LINGO1: variants seen among roughly 807,000 people sequenced by gnomAD.
LINGO1 encodes leucine-rich repeat and immunoglobulin-like domain-containing nogo receptor-interacting protein 1.
In LINGO1, 11 loss-of-function variants were observed where a neutral mutation model predicts 37.3. The observed-to-expected ratio is 0.29, with a 90% CI of 0.19 to 0.49. The LOEUF (loss-of-function observed/expected upper bound fraction) is 0.49, where lower values mean the gene tolerates loss of function less well. Among genes scored for constraint, LINGO1 ranks in the 20% least tolerant of loss-of-function variants. The probability of loss-of-function intolerance (pLI) is 0.99; values close to 1 mark genes in which losing one functional copy is unlikely to be tolerated. For synonymous variants in LINGO1, 387 were observed against 403.0 expected (o/e 0.96, Z 0.48); for missense variants, 585 against 878.2 (o/e 0.67, Z 4.22).
chr15:77,772,232 TCTC>T (rs1444947239), intron 1 of LINGO1, among the ~76,000 whole-genome samples: 2 of 152,132 alleles, frequency 1.3e-5, no homozygotes, highest in Non-Finnish European at 2.9e-5. Context: ...GGGTGGATGG[TCTC>T]CCACCAGGGT....
upstream of LINGO1, chr15:77,634,158 G>A (rs2074347096): frequency 1.4e-5 from 6 of 433,062 alleles, no homozygotes; most frequent in Admixed American, 7.2e-5. Context: ...CTCCCAGGAA[G>A]CCTGCGCAAC....
Position 77,776,512 on chromosome 15 carries a change from G to GGCAGGAAGGCAGGAAA in LINGO1, c.-257+10356_-257+10357insTTTCCTGCCTTCCTGC, listed in dbSNP as rs1567577680. ...AAGCAGGAAGGCAGGAAGGCAGGAA[G>GGCAGGAAGGCAGGAAA]GCAGGAAGGGAGGAAGGGAGGGAGG... On this transcript the variant is annotated intron_variant, in intron 1 of 3. Transcript: ENST00000561686. 4.6e-3 allele frequency among the ~76,000 whole-genome samples: 378 copies of GGCAGGAAGGCAGGAAA among 82,302 alleles called. 9 individuals carry two copies. Among genetic ancestry groups the GGCAGGAAGGCAGGAAA allele is most frequent in the African/African-American group, 0.019 (353 of 18,136 alleles). 54.0% of individuals were successfully genotyped at this position (82,302 alleles called of 152,430 possible).
chr15:77,776,355 C>T (rs2076638572), intron 1 of LINGO1, among the ~76,000 whole-genome samples: 1 of 150,926 alleles, frequency 6.6e-6, no homozygotes, highest in African/African-American at 2.4e-5. Context: ...GCACCCCCTC[C>T]ACCATGGATT....
At chr15:77,708,774 G>A (rs1017306581) in intron 2 of LINGO1, among the ~76,000 whole-genome samples, 1 of 152,260 alleles carries the variant, frequency 6.6e-6, no homozygotes, top group East Asian at 1.9e-4. Context: ...ATGTGGTGGT[G>A]GGCACCTGTA....
chr15:77,730,399 G>C (rs1420519314), intron 2 of LINGO1, among the ~76,000 whole-genome samples: 1 of 152,194 alleles, frequency 6.6e-6, no homozygotes. Context: ...GTAAGTACTG[G>C]AGCTGGGACT....
At chr15:77,779,716 A>G (rs4886911) in intron 1 of LINGO1, among the ~76,000 whole-genome samples, 145,425 of 152,280 alleles carry the variant, frequency 0.95, 69,486 homozygotes, top group Admixed American at 0.97. Flanking sequence ...CTCGCTCACT[A>G]CTGCTCATCT....
chr15:77,781,653 C>T (rs931035373), intron 1 of LINGO1, among the ~76,000 whole-genome samples: 2 of 152,158 alleles, frequency 1.3e-5, no homozygotes, highest in African/African-American at 4.8e-5. Flanking sequence ...CCGTACACCA[C>T]CAGGCGTGTT....
At chr15:77,657,464 C>T (rs1207373563) in intron 3 of LINGO1, among the ~76,000 whole-genome samples, 1 of 152,224 alleles carries the variant, frequency 6.6e-6, no homozygotes, top group Admixed American at 6.5e-5. Flanking sequence ...CCCAAACTCC[C>T]CATCTTGATC....
chr15:77,763,635 C>G (rs1274332167), intron 1 of LINGO1, among the ~76,000 whole-genome samples: 1 of 152,120 alleles, frequency 6.6e-6, no homozygotes, highest in Non-Finnish European at 1.5e-5. Context: ...CTGAGAGCAC[C>G]TTTCTGGCTT....
chr15:77,809,025 C>G (rs895386844), intron 1 of LINGO1, among the ~76,000 whole-genome samples: 1 of 152,244 alleles, frequency 6.6e-6, no homozygotes, highest in Non-Finnish European at 1.5e-5. Flanking sequence ...ATGAGCCTTG[C>G]ACACACATGG....
intron 1 of LINGO1, among the ~76,000 whole-genome samples, chr15:77,694,989 G>T (rs1055229142): frequency 1.3e-5 from 2 of 150,518 alleles, no homozygotes; most frequent in Non-Finnish European, 3.0e-5. Flanking sequence ...CTGAACACTC[G>T]GGATAATCTT....
Position 77,632,391 on chromosome 15 carries a change from C to T in LINGO1, c.-76G>A, listed in dbSNP as rs1368169331. 9 of 1,294,470 alleles carry T rather than the reference C, an allele frequency of 7.0e-6. No individual in the cohort carries two copies. The highest frequency in any genetic ancestry group is 3.7e-5 in the Admixed American group (1 of 26,898). 80.2% of individuals were successfully genotyped at this position (1,294,470 alleles called of 1,614,324 possible). A position where few individuals can be genotyped will look rare whatever the true frequency, so the allele number is the denominator to read the frequency against. ...CCAGCCGGCCCGACCAGGCCCCAGC[C>T]CCTGCCCAGCCCCCTCCTCCGTTTC... On this transcript the variant is annotated 5_prime_UTR_variant, in exon 1 of 2. Coordinates refer to ENST00000355300, the MANE Select transcript of LINGO1 (RefSeq NM_032808.7). This position sits in a 1 kb window ranked among gnomAD's most constrained non-coding sequence, Gnocchi z 6.0.
At chr15:77,737,639 A>C (rs2076216177) in intron 1 of LINGO1, among the ~76,000 whole-genome samples, 1 of 151,916 alleles carries the variant, frequency 6.6e-6, no homozygotes, top group Non-Finnish European at 1.5e-5. Flanking sequence ...TGCTCTTATC[A>C]AGGTCCCCCA....
chr15:77,647,894 C>T (rs1263747381), intron 3 of LINGO1: 1 of 456,660 alleles, frequency 2.2e-6, no homozygotes, highest in Non-Finnish European at 4.4e-6. Context: ...AAATATTTTT[C>T]TGGCTACGTT....
At chr15:77,739,107 A>G (rs1468243073) in intron 1 of LINGO1, among the ~76,000 whole-genome samples, 1 of 152,234 alleles carries the variant, frequency 6.6e-6, no homozygotes, top group Non-Finnish European at 1.5e-5. Flanking sequence ...TGTCCCATTC[A>G]GGAGGGAGCC....
intron 1 of LINGO1, among the ~76,000 whole-genome samples, chr15:77,769,320 C>G (rs540462375): frequency 6.6e-6 from 1 of 152,370 alleles, no homozygotes; most frequent in East Asian, 1.9e-4. Flanking sequence ...ATCCCCACCT[C>G]TGGCAGGGCC....
intron 2 of LINGO1, among the ~76,000 whole-genome samples, chr15:77,725,111 G>A (rs1384281173): frequency 6.6e-6 from 1 of 152,126 alleles, no homozygotes; most frequent in Non-Finnish European, 1.5e-5. Context: ...TGGTTTGGGT[G>A]TGCCCAGTCC....
chr15:77,682,810 C>G (rs2075440061), intron 2 of LINGO1, among the ~76,000 whole-genome samples: 1 of 152,256 alleles, frequency 6.6e-6, no homozygotes, highest in South Asian at 2.1e-4. Context: ...CCCCGCTCCA[C>G]TTAAAACCCG....
At chr15:77,720,588 T>G (rs1341116265) in intron 2 of LINGO1, 1 of 152,254 alleles carries the variant, frequency 6.6e-6, no homozygotes, top group East Asian at 1.9e-4. Context: ...ATTAACATAA[T>G]TATCCCGATT....
Sources: gnomAD v4.1 joint callset for allele counts (sites outside exome capture counted in the v4.1 genomes callset) on GRCh38, gnomAD v4.1.1 for gene constraint, Gnocchi (gnomAD v3.1) non-coding constraint, MANE v1.5 for transcripts, NCBI Gene and HGNC (gene_info 2026-07-23, HGNC 2026-07-21) for gene names.